RSU1: variants seen among roughly 807,000 people sequenced by gnomAD.
The protein encoded by RSU1 is rsu-1.
RSU1 carries 26 observed loss-of-function variants against 31.1 expected under a neutral mutation model. That is an observed-to-expected ratio of 0.84 (90% CI 0.61 to 1.16). The LOEUF is 1.16. Ranked by LOEUF, RSU1 falls within the 50% of genes most tolerant of loss-of-function variation. The pLI, the probability that RSU1 is intolerant of heterozygous loss-of-function variation, is 0.00. For missense variants in RSU1, 320 were observed against 339.1 expected (o/e 0.94, Z 0.44); for synonymous variants, 164 against 136.3 (o/e 1.20, Z -1.41).
At chr10:16,778,617 G>C (rs1837588563) in intron 3 of RSU1, among the ~76,000 whole-genome samples, 1 of 152,322 alleles carries the variant, frequency 6.6e-6, no homozygotes, top group African/African-American at 2.4e-5. Context: ...AAGAGAGTTT[G>C]GGGAGGAAAG....
intron 2 of RSU1, among the ~76,000 whole-genome samples, chr10:16,806,589 T>C (rs1442688748): frequency 6.6e-6 from 1 of 152,196 alleles, no homozygotes; most frequent in East Asian, 1.9e-4. Context: ...TGTGTGCGTG[T>C]ATTATATTAA....
chr10:16,634,416 C>A (rs546000202), intron 8 of RSU1, among the ~76,000 whole-genome samples: 54 of 152,312 alleles, frequency 3.5e-4, no homozygotes, highest in African/African-American at 1.3e-3. Flanking sequence ...AAATGCATCT[C>A]CCGGTATTTG....
intron 8 of RSU1, among the ~76,000 whole-genome samples, chr10:16,691,923 GA>G (rs1407745829): frequency 6.6e-6 from 1 of 151,910 alleles, no homozygotes; most frequent in Non-Finnish European, 1.5e-5. Flanking sequence ...ATTTTGAGTA[GA>G]AATGGGGTTT....
chr10:16,811,082 GTACT>G (rs1838399280), intron 2 of RSU1, among the ~76,000 whole-genome samples: 3 of 152,166 alleles, frequency 2.0e-5, no homozygotes, highest in Middle Eastern at 3.4e-3. Context: ...TAACAATAAT[GTACT>G]ATATTTTTAC....
At chr10:16,597,346 A>G (rs1833634040) in intron 8 of RSU1, among the ~76,000 whole-genome samples, 1 of 152,130 alleles carries the variant, frequency 6.6e-6, no homozygotes, top group Non-Finnish European at 1.5e-5. Flanking sequence ...GCCTTTTTAT[A>G]TTCAGATCCC....
At chr10:16,722,115 G>A (rs182433066) in intron 7 of RSU1, among the ~76,000 whole-genome samples, 5 of 152,146 alleles carry the variant, frequency 3.3e-5, no homozygotes, top group African/African-American at 1.2e-4. Flanking sequence ...CATTCACATA[G>A]CTTTTATTAC....
At position 16,695,167 on chromosome 10, in the gene RSU1, G is replaced by GGGGGGGGGGCC; in HGVS notation, c.599-13_599-12insGGCCCCCCCCC. ...TAAATCCAAGTTTCCTGGGGGGGGGGAAAAAAAAAGTGAAGGTCACTTCAT... is the reference window on the plus strand; with the variant it reads ...TAAATCCAAGTTTCCTGGGGGGGGGGGGGGGGGGGCCAAAAAAAAAGTGAAGGTCACTTCAT... On this transcript the variant is annotated splice_polypyrimidine_tract_variant and intron_variant, in intron 7 of 8. Transcript: ENST00000345264. 7.6e-7 allele frequency: 1 copy of GGGGGGGGGGCC among 1,318,160 alleles called. No homozygotes were observed. Among genetic ancestry groups the GGGGGGGGGGCC allele is most frequent in the Non-Finnish European group, 1.0e-6 (1 of 970,986 alleles). 81.7% of individuals were successfully genotyped at this position (1,318,160 alleles called of 1,614,324 possible). A position where few individuals can be genotyped will look rare whatever the true frequency, so the allele number is the denominator to read the frequency against.
At chr10:16,734,347 ACTC>A (rs1836581454) in intron 7 of RSU1, among the ~76,000 whole-genome samples, 1 of 151,990 alleles carries the variant, frequency 6.6e-6, no homozygotes, top group Non-Finnish European at 1.5e-5. Flanking sequence ...GTGCTCACAC[ACTC>A]TTCTTCATCT....
At chr10:16,640,236 G>A (rs1834417277) in intron 8 of RSU1, among the ~76,000 whole-genome samples, 1 of 152,122 alleles carries the variant, frequency 6.6e-6, no homozygotes. Flanking sequence ...TATTTTGCCT[G>A]TGGTGGGAGC....
chr10:16,645,673 G>A (rs1834524326), intron 8 of RSU1, among the ~76,000 whole-genome samples: 1 of 151,136 alleles, frequency 6.6e-6, no homozygotes, highest in Non-Finnish European at 1.5e-5. Context: ...CCAGGCGTGT[G>A]GCGCACACCT....
Position 16,621,864 on chromosome 10 carries a change from TCAA to T in RSU1, c.732-28371_732-28369del, listed in dbSNP as rs1314294575. On this transcript the variant is annotated intron_variant, in intron 8 of 8. Coordinates refer to ENST00000345264, the MANE Select transcript of RSU1 (RefSeq NM_012425.4). ...TGGGTGGGGACACAGCCAAACCATATCAATGACTATGTATGTAATTTTATTGAT... is the reference window on the plus strand; with the variant it reads ...TGGGTGGGGACACAGCCAAACCATATTGACTATGTATGTAATTTTATTGAT... Among the ~76,000 whole-genome samples the T allele has an allele frequency of 7.9e-5, 12 of 152,292 alleles. No individual in the cohort carries two copies. The East Asian group carries it at 2.3e-3, about 29-fold the overall frequency.
intron 2 of RSU1, among the ~76,000 whole-genome samples, chr10:16,812,563 T>C (rs567175806): frequency 9.2e-5 from 14 of 152,200 alleles, no homozygotes; most frequent in Non-Finnish European, 1.8e-4. Context: ...ATAGCATGTG[T>C]TCCAGGTTTA....
rs1032139637 is a variant in RSU1 at position 16,727,117 on chromosome 10, A to G, written c.598+25422T>C. Reference sequence around the variant, plus strand: ...CTGCCAGTTGGTGGTTTTTGCCAAGATGCCTACCACAAGGGAACAGGATGT... The same window carrying G: ...CTGCCAGTTGGTGGTTTTTGCCAAGGTGCCTACCACAAGGGAACAGGATGT... On this transcript the variant is annotated intron_variant, in intron 7 of 8. Transcript: ENST00000345264. The G allele has an allele frequency of 8.8e-6, 4 of 456,530 alleles. No individual in the cohort carries two copies. The East Asian group carries it at 2.8e-4, about 32-fold the overall frequency. 28.3% of individuals were successfully genotyped at this position (456,530 alleles called of 1,614,324 possible).
chr10:16,808,748 C>A (rs1245639907), intron 2 of RSU1, among the ~76,000 whole-genome samples: 1 of 152,156 alleles, frequency 6.6e-6, no homozygotes, highest in Non-Finnish European at 1.5e-5. Context: ...AGCCCCAATC[C>A]CAAATACCTC....
intron 2 of RSU1, among the ~76,000 whole-genome samples, chr10:16,790,093 T>G (rs975840566): frequency 1.3e-5 from 2 of 152,182 alleles, no homozygotes; most frequent in African/African-American, 4.8e-5. Flanking sequence ...CTGTGATTTA[T>G]GATTTTTTTA....
chr10:16,801,097 T>TAA (rs199590345), intron 2 of RSU1, among the ~76,000 whole-genome samples: 62 of 147,164 alleles, frequency 4.2e-4, no homozygotes, highest in Middle Eastern at 3.4e-3. Flanking sequence ...ATCTTTTTTT[T>TAA]AAAAAAAAAA....
chr10:16,638,598 A>G (rs1272156980), intron 8 of RSU1, among the ~76,000 whole-genome samples: 2 of 152,208 alleles, frequency 1.3e-5, no homozygotes, highest in Non-Finnish European at 2.9e-5. Flanking sequence ...GGATGAGATG[A>G]GACTGTGTTC....
At chr10:16,810,247 A>G (rs1304175598) in intron 2 of RSU1, among the ~76,000 whole-genome samples, 1 of 151,728 alleles carries the variant, frequency 6.6e-6, no homozygotes, top group African/African-American at 2.4e-5. Flanking sequence ...TAAAAAAATA[A>G]AAAAATAGAA....
In RSU1 at chr10:16,760,379, T is replaced by G. The variant is rs557816604; in HGVS notation, c.281+4011A>C. ...ACAAAAGTAGCTGGGTGTGGGTGTG[T>G]GCACTTGTAATCCCAACTACTCGGG... On this transcript the variant is annotated intron_variant, in intron 4 of 8. Transcript: ENST00000345264. Among the ~76,000 whole-genome samples the G allele has an allele frequency of 6.1e-4, 93 of 151,968 alleles. 1 individual carries two copies. The South Asian group carries it at 0.017, about 28-fold the overall frequency.
Sources: gnomAD v4.1 joint callset for allele counts (sites outside exome capture counted in the v4.1 genomes callset) on GRCh38, gnomAD v4.1.1 for gene constraint, MANE v1.5 for transcripts, NCBI Gene and HGNC (gene_info 2026-07-23, HGNC 2026-07-21) for gene names.